NBEA: variants seen among roughly 807,000 people sequenced by gnomAD.
NBEA encodes the protein lysosomal-trafficking regulator 2.
A neutral mutation model predicts 343.4 loss-of-function variants in NBEA; 44 were observed. The ratio of observed to expected loss-of-function variants is 0.13; its 90% CI spans 0.10 to 0.16. NBEA has a LOEUF of 0.16. Ranked by LOEUF, NBEA falls within the 10% of genes least tolerant of loss-of-function variation. NBEA has a pLI of 1.00. For missense variants in NBEA, 2,555 were observed against 3,631.3 expected, an observed-to-expected ratio of 0.70 and a Z score of 7.62; for synonymous variants, 1,175 against 1,238.7, an observed-to-expected ratio of 0.95 and a Z score of 1.08.
chr13:35,483,420 A>G (rs896045978), intron 41 of NBEA, among the ~76,000 whole-genome samples: 7 of 152,014 alleles, frequency 4.6e-5, no homozygotes, highest in Admixed American at 1.3e-4. Flanking sequence ...AGTGGTAGGA[A>G]TTGAGGCTAA....
intron 38 of NBEA, among the ~76,000 whole-genome samples, chr13:35,358,197 T>A (rs2040604265): frequency 6.6e-6 from 1 of 151,660 alleles, no homozygotes; most frequent in Non-Finnish European, 1.5e-5. Flanking sequence ...AATTTTTTTA[T>A]ATTTTTGGTA....
intron 41 of NBEA, among the ~76,000 whole-genome samples, chr13:35,545,697 C>G (rs994686474): frequency 3.9e-5 from 6 of 152,198 alleles, no homozygotes; most frequent in African/African-American, 1.4e-4. Context: ...GTCAAAATTG[C>G]TTAGCCTAAA....
chr13:35,352,014 T>C (rs1158249141), intron 37 of NBEA, 143 bp from the exon 38 acceptor site: 4 of 429,010 alleles, frequency 9.3e-6, no homozygotes, highest in Non-Finnish European at 1.6e-5. Flanking sequence ...CTATATGTAT[T>C]CTTTAGAACA....
chr13:35,104,019 A>T (rs999276736), intron 11 of NBEA, among the ~76,000 whole-genome samples: 1 of 151,886 alleles, frequency 6.6e-6, no homozygotes, highest in Non-Finnish European at 1.5e-5. Flanking sequence ...TAATGAAGTC[A>T]TAAGCCTTAT....
intron 11 of NBEA, among the ~76,000 whole-genome samples, chr13:35,099,144 C>T (rs2065494825): frequency 6.6e-6 from 1 of 151,006 alleles, no homozygotes; most frequent in Non-Finnish European, 1.5e-5. Context: ...ATTCTCCTGC[C>T]TCAGCCTCCC....
chr13:35,352,465 C>A, intron 38 of NBEA, 142 bp downstream of exon 38: 2 of 495,448 alleles, frequency 4.0e-6, no homozygotes, highest in East Asian at 3.8e-5. Flanking sequence ...TTCCTGAAAT[C>A]TTTAATAATT....
chr13:35,454,290 T>C (rs1432048273), intron 40 of NBEA, among the ~76,000 whole-genome samples: 1 of 152,204 alleles, frequency 6.6e-6, no homozygotes, highest in Non-Finnish European at 1.5e-5. Flanking sequence ...ACTAACATAA[T>C]AGTTACAATG....
At chr13:35,397,819 C>T (rs757923285) in intron 38 of NBEA, among the ~76,000 whole-genome samples, 2 of 152,136 alleles carry the variant, frequency 1.3e-5, no homozygotes, top group South Asian at 4.1e-4. Flanking sequence ...TCATGTGAAA[C>T]TTCAGCAAGT....
At chr13:35,366,361 ATATAT>A (rs1477731119) in intron 38 of NBEA, among the ~76,000 whole-genome samples, 1 of 151,410 alleles carries the variant, frequency 6.6e-6, no homozygotes, top group African/African-American at 2.4e-5. Flanking sequence ...AGGAGTTATT[ATATAT>A]TATATTTTCT....
At chr13:35,179,781 G>A in intron 28 of NBEA, 3 of 984,774 alleles carry the variant, frequency 3.0e-6, no homozygotes, top group Non-Finnish European at 3.6e-6. Context: ...CTTGAGCAAT[G>A]TGTGAATCTG....
At chr13:35,489,494 C>T (rs180868839) in intron 41 of NBEA, among the ~76,000 whole-genome samples, 67 of 152,010 alleles carry the variant, frequency 4.4e-4, no homozygotes, top group African/African-American at 1.6e-3. Context: ...TTCTTATGCT[C>T]TTCTCTGATC....
chr13:35,522,475 C>CAAAAAAAAAAAAAAAAAA (rs138270833), intron 41 of NBEA, among the ~76,000 whole-genome samples: 2 of 42,074 alleles, frequency 4.8e-5, no homozygotes, highest in Non-Finnish European at 1.1e-4. Flanking sequence ...ATACCATCTC[C>CAAAAAAAAAAAAAAAAAA]AAAAAAAAAA....
intron 38 of NBEA, among the ~76,000 whole-genome samples, chr13:35,423,684 A>C (rs2152925213): frequency 6.6e-6 from 1 of 152,234 alleles, no homozygotes; most frequent in African/African-American, 2.4e-5. Context: ...CAATTCTGTG[A>C]AAAAAGTTAT....
At chr13:35,365,373 G>A (rs1389707963) in intron 38 of NBEA, among the ~76,000 whole-genome samples, 1 of 151,622 alleles carries the variant, frequency 6.6e-6, no homozygotes, top group Non-Finnish European at 1.5e-5. Flanking sequence ...CTACATTAAT[G>A]AAACTGCTCC....
chr13:35,202,194 C>T (rs2073068385), intron 31 of NBEA, among the ~76,000 whole-genome samples: 1 of 151,990 alleles, frequency 6.6e-6, no homozygotes, highest in South Asian at 2.1e-4. Context: ...TCATTTCAGC[C>T]CACTCTTCCT....
At chr13:35,011,969 A>G (rs1419131405) in intron 1 of NBEA, among the ~76,000 whole-genome samples, 1 of 152,208 alleles carries the variant, frequency 6.6e-6, no homozygotes, top group Non-Finnish European at 1.5e-5. Flanking sequence ...ATATCTGTTT[A>G]TCAGTGCATA....
intron 41 of NBEA, among the ~76,000 whole-genome samples, chr13:35,515,686 A>T (rs953574864): frequency 6.6e-6 from 1 of 152,058 alleles, no homozygotes; most frequent in African/African-American, 2.4e-5. Flanking sequence ...AAAAGGCAAT[A>T]TATTTTATAA....
intron 38 of NBEA, among the ~76,000 whole-genome samples, chr13:35,408,049 C>T (rs1476081140): frequency 6.6e-6 from 1 of 152,062 alleles, no homozygotes; most frequent in Non-Finnish European, 1.5e-5. Context: ...GCCCAAATAG[C>T]CAATGCAATC....
intron 39 of NBEA, among the ~76,000 whole-genome samples, chr13:35,445,940 A>G (rs1007672389): frequency 1.3e-5 from 2 of 151,104 alleles, no homozygotes; most frequent in Non-Finnish European, 2.9e-5. Context: ...TACATTAGGT[A>G]TATCTCCTAA....
Sources: gnomAD v4.1 joint callset for allele counts (sites outside exome capture counted in the v4.1 genomes callset) on GRCh38, gnomAD v4.1.1 for gene constraint, MANE v1.5 for transcripts, NCBI Gene and HGNC (gene_info 2026-07-23, HGNC 2026-07-21) for gene names.